The following TRAPPC9 variants were observed in gnomAD, a reference collection of about 807,000 sequenced individuals.
TRAPPC9 encodes IKK2 binding protein.
In TRAPPC9, 83 loss-of-function variants were observed where a neutral mutation model predicts 124.0. That is an observed-to-expected ratio of 0.67 (90% CI 0.56 to 0.80). TRAPPC9 has a LOEUF of 0.80. Among genes scored for constraint, TRAPPC9 ranks in the 30% least tolerant of loss-of-function variants. The pLI, the probability that TRAPPC9 is intolerant of heterozygous loss-of-function variation, is 0.00. For missense variants in TRAPPC9, 1,302 were observed against 1,508.3 expected, an observed-to-expected ratio of 0.86 and a Z score of 2.27; for synonymous variants, 638 against 617.5, an observed-to-expected ratio of 1.03 and a Z score of -0.49.
intron 19 of TRAPPC9, among the ~76,000 whole-genome samples, chr8:139,975,572 C>T (rs1836384608): frequency 6.6e-6 from 1 of 152,184 alleles, no homozygotes; most frequent in African/African-American, 2.4e-5. Context: ...TCTTCAAAAA[C>T]CTACAAATTC....
chr8:140,216,459 C>T lies in TRAPPC9; in HGVS notation c.2556+5000G>A, dbSNP rs927359732. On this transcript the variant is annotated intron_variant, in intron 17 of 22. Coordinates refer to ENST00000438773, the MANE Select transcript of TRAPPC9 (RefSeq NM_001160372.4). This position sits in a 1 kb window ranked among gnomAD's most constrained non-coding sequence, Gnocchi z 4.1. The stretch of plus-strand genomic sequence containing the variant: ...AAATGTTACCCTAAACTGTAAGAGC[C>T]TATCCTGTGAGACACAGAAAAAATC... 6.6e-6 allele frequency among the ~76,000 whole-genome samples: 1 copy of T among 152,198 alleles called. No homozygotes were observed.
At chr8:140,346,795 T>TCTCTTTGCATCTC (rs2067361782) in intron 9 of TRAPPC9, among the ~76,000 whole-genome samples, 1 of 152,212 alleles carries the variant, frequency 6.6e-6, no homozygotes, top group African/African-American at 2.4e-5. Context: ...TAGAGAGAGA[T>TCTCTTTGCATCTC]GCAAAGAAAA....
At chr8:139,979,432 C>T (rs1836729269) in intron 19 of TRAPPC9, among the ~76,000 whole-genome samples, 1 of 152,180 alleles carries the variant, frequency 6.6e-6, no homozygotes, top group Admixed American at 6.5e-5. Flanking sequence ...CACGAACGGA[C>T]ACGGGTGCTG....
chr8:139,811,703 C>G (rs1482249033), intron 21 of TRAPPC9, among the ~76,000 whole-genome samples: 1 of 152,196 alleles, frequency 6.6e-6, no homozygotes, highest in Non-Finnish European at 1.5e-5. Flanking sequence ...AACACCTTCA[C>G]AATTCCAAAG....
At chr8:140,223,666 G>C (rs2063386009) in intron 16 of TRAPPC9, among the ~76,000 whole-genome samples, 1 of 151,678 alleles carries the variant, frequency 6.6e-6, no homozygotes, top group South Asian at 2.1e-4. Context: ...CAATAACTTA[G>C]GCCCATGGCC....
rs560571217 is a variant in TRAPPC9, at chr8:139,735,819, A to G, written c.3056-3617T>C. 1.1e-4 allele frequency among the ~76,000 whole-genome samples: 17 copies of G among 152,310 alleles called. No homozygotes were observed. In the South Asian group the frequency reaches 3.5e-3, roughly 32 times the overall value. On this transcript the variant is annotated intron_variant, in intron 21 of 22. Coordinates refer to ENST00000438773, the MANE Select transcript of TRAPPC9 (RefSeq NM_001160372.4). ...ACAACCCCTTGGGAAGAGAAAGCTG[A>G]TGAAGGCTTGGAGCCAGCTGTCCCT...
At position 139,730,715 on chromosome 8, in the gene TRAPPC9, T is replaced by G; in HGVS notation, c.*346A>C. The G allele has an allele frequency of 3.1e-6, 1 of 319,790 alleles. No homozygotes were observed. The highest frequency in any genetic ancestry group is 4.3e-5 in the South Asian group (1 of 23,520). 19.8% of individuals were successfully genotyped at this position (319,790 alleles called of 1,614,324 possible). A position where few individuals can be genotyped will look rare whatever the true frequency, so the allele number is the denominator to read the frequency against. ...GACGAGGGAGGTCCCTCTGCTGGGA[T>G]GAGCAGCACAGCACGGCTGGGGCCC... On this transcript the variant is annotated 3_prime_UTR_variant, in exon 23 of 23. Transcript: ENST00000438773.
In TRAPPC9 at chr8:139,868,811, C is replaced by G. The variant is rs140898614; in HGVS notation, c.3055+17068G>C. Among the ~76,000 whole-genome samples, 740 of 152,276 alleles carry G rather than the reference C, an allele frequency of 4.9e-3. 4 individuals are homozygous for G. The highest frequency in any genetic ancestry group is 0.017 in the African/African-American group (696 of 41,546). On this transcript the variant is annotated intron_variant, in intron 21 of 22. Transcript: ENST00000438773. ...AGAATACACTGACAACAAATCCGTCCTGCATGGAGCTTATATTCTAATGAG... is the reference window on the plus strand; with the variant it reads ...AGAATACACTGACAACAAATCCGTCGTGCATGGAGCTTATATTCTAATGAG...
At position 139,961,293 on chromosome 8, in the gene TRAPPC9, G is replaced by A. The variant is rs1021854815; in HGVS notation, c.2810+27433C>T. Among the ~76,000 whole-genome samples the A allele has an allele frequency of 4.8e-5, 6 of 124,614 alleles. 1 individual carries two copies. The highest frequency in any genetic ancestry group is 2.7e-4 in the South Asian group (1 of 3,720). 81.8% of individuals were successfully genotyped at this position (124,614 alleles called of 152,430 possible). The stretch of plus-strand genomic sequence containing the variant: ...TGGCAGTAGCTGCTGCCATCATGCC[G>A]GCTGTGGCAGGGAGCATGGCAGGGA... On this transcript the variant is annotated intron_variant, in intron 19 of 22. Transcript: ENST00000438773.
In TRAPPC9 at chr8:140,213,270, T is replaced by C. The variant is rs543020010; in HGVS notation, c.2556+8189A>G. Among the ~76,000 whole-genome samples the C allele has an allele frequency of 3.3e-5, 5 of 152,240 alleles. No individual in the cohort carries two copies. In the South Asian group the frequency reaches 8.3e-4, roughly 25 times the overall value. On this transcript the variant is annotated intron_variant, in intron 17 of 22. Coordinates refer to ENST00000438773, the MANE Select transcript of TRAPPC9 (RefSeq NM_001160372.4). The stretch of plus-strand genomic sequence containing the variant: ...GGTTGTCTATATCTGTGTGTAAGCA[T>C]TGGTATTTTGTGTCTTCTAAGGAAT...
intron 21 of TRAPPC9, among the ~76,000 whole-genome samples, chr8:139,850,704 A>T (rs994405698): frequency 6.6e-6 from 1 of 152,152 alleles, no homozygotes; most frequent in African/African-American, 2.4e-5. Flanking sequence ...CCCACTCATC[A>T]GTGGTCCACC....
chr8:140,184,446 C>A (rs1346264504), intron 17 of TRAPPC9, among the ~76,000 whole-genome samples: 1 of 151,654 alleles, frequency 6.6e-6, no homozygotes, highest in Non-Finnish European at 1.5e-5. Context: ...TTATTTTTTT[C>A]TCTTTTTGAG....
intron 8 of TRAPPC9, among the ~76,000 whole-genome samples, chr8:140,362,515 T>A (rs1300567132): frequency 3.3e-5 from 5 of 151,866 alleles, no homozygotes; most frequent in Non-Finnish European, 5.9e-5. Flanking sequence ...GAGCTGACCA[T>A]ACACACACTT....
At chr8:140,443,031 G>A (rs1041099877) in intron 2 of TRAPPC9, among the ~76,000 whole-genome samples, 1 of 149,274 alleles carries the variant, frequency 6.7e-6, no homozygotes, top group Non-Finnish European at 1.5e-5. Flanking sequence ...TACTCAGGAG[G>A]CTGAGGCAGG....
intron 20 of TRAPPC9, among the ~76,000 whole-genome samples, chr8:139,895,897 T>C (rs1208223359): frequency 1.3e-5 from 2 of 152,256 alleles, no homozygotes; most frequent in African/African-American, 4.8e-5. Flanking sequence ...AGCAGCCCCG[T>C]GCCTGCAGAG....
chr8:140,197,338 T>G (rs1342480399), intron 17 of TRAPPC9, among the ~76,000 whole-genome samples: 1 of 152,200 alleles, frequency 6.6e-6, no homozygotes, highest in Non-Finnish European at 1.5e-5. Context: ...ACACAAATCC[T>G]TTCTTCACTT....
chr8:139,798,647 T>C (rs1823265672), intron 21 of TRAPPC9, among the ~76,000 whole-genome samples: 1 of 152,168 alleles, frequency 6.6e-6, no homozygotes, highest in Admixed American at 6.5e-5. Flanking sequence ...AGAGCGTAAA[T>C]ACGGTCCCCT....
chr8:139,830,676 CACAT>C (rs1212717841), intron 21 of TRAPPC9, among the ~76,000 whole-genome samples: 2 of 152,080 alleles, frequency 1.3e-5, no homozygotes, highest in African/African-American at 4.8e-5. Flanking sequence ...CACATGCACA[CACAT>C]ACACATGCAT....
At chr8:139,903,978 C>T (rs1333560644) in intron 20 of TRAPPC9, among the ~76,000 whole-genome samples, 1 of 152,154 alleles carries the variant, frequency 6.6e-6, no homozygotes. Flanking sequence ...CCATTGCACT[C>T]CAGCCTGGGT....
Sources: allele counts gnomAD v4.1 joint callset (sites outside exome capture counted in the v4.1 genomes callset), GRCh38; gene constraint gnomAD v4.1.1; non-coding constraint Gnocchi (gnomAD v3.1); transcripts MANE v1.5; gene names NCBI Gene and HGNC (gene_info 2026-07-23, HGNC 2026-07-21).